Variants in UGT2A1 observed in about 807,000 individuals in gnomAD.
UGT2A1 encodes UDP-glucuronosyltransferase 2A1.
UGT2A1 carries 61 observed loss-of-function variants against 45.4 expected under a neutral mutation model. The ratio of observed to expected loss-of-function variants is 1.34; its 90% CI spans 1.09 to 1.66. UGT2A1 has a LOEUF of 1.66. Ranked by LOEUF, UGT2A1 falls within the 40% of genes most tolerant of loss-of-function variation. The pLI, the probability that UGT2A1 is intolerant of heterozygous loss-of-function variation, is 0.00. For synonymous variants in UGT2A1, 229 were observed against 196.2 expected (o/e 1.17, Z -1.40); for missense variants, 649 against 574.3 (o/e 1.13, Z -1.33).
At position 69,589,634 on chromosome 4, in the gene UGT2A1, A is replaced by G; in HGVS notation, c.1322T>C (p.Met441Thr). The G allele has an allele frequency of 6.2e-7, 1 of 1,612,146 alleles. No homozygotes were observed. The highest frequency in any genetic ancestry group is 1.1e-5 in the South Asian group (1 of 90,788). ...ATCATGGTGAATTCTTGATAACCTC[A>G]TAGCATTCTCTTTATAACTAGAAGA... ...INEPSYKENA[M>T]RLSRIHHDQP... The change falls in exon 7 of 7, where the codon ATG (methionine) becomes ACG (threonine). Residue 441 changes from methionine to threonine, a missense_variant. Transcript: ENST00000286604.
At chr4:69,600,303 C>A (rs111620988) in intron 3 of UGT2A1, among the ~76,000 whole-genome samples, 278 of 152,286 alleles carry the variant, frequency 1.8e-3, no homozygotes, top group African/African-American at 6.4e-3. Flanking sequence ...TGTGTGCACT[C>A]CCAGACTCCA....
Position 69,594,510 on chromosome 4 carries a change from A to G in UGT2A1, c.1271T>C (p.Leu424Pro). The G allele has an allele frequency of 1.2e-6, 2 of 1,614,186 alleles. No individual in the cohort carries two copies. The highest frequency in any genetic ancestry group is 2.2e-5 in the South Asian group (2 of 91,088). ...ATTAATGACTGTTCTCAAAGCGCTAAGCAAATCCACACTTGTCATTGTGTT... is the reference window on the plus strand; with the variant it reads ...ATTAATGACTGTTCTCAAAGCGCTAGGCAAATCCACACTTGTCATTGTGTT... ...NLNTMTSVDL[L>P]SALRTVINEP... The change falls in exon 6 of 7, where the codon CTT becomes CCT. Residue 424 changes from leucine (L) to proline (P), a missense_variant. Transcript: ENST00000286604.
chr4:69,625,306 G>T (rs537274012), intron 3 of UGT2A1, among the ~76,000 whole-genome samples: 93 of 150,532 alleles, frequency 6.2e-4, no homozygotes, highest in Non-Finnish European at 1.1e-3. Flanking sequence ...TGAACTTCTT[G>T]GATCTATTTG....
At chr4:69,640,353 G>T (rs1721984830) in intron 2 of UGT2A1, among the ~76,000 whole-genome samples, 1 of 151,938 alleles carries the variant, frequency 6.6e-6, no homozygotes, top group South Asian at 2.1e-4. Flanking sequence ...TATCTGTAAA[G>T]CTACTTTTCA....
chr4:69,615,366 T>C (rs1171689224), intron 3 of UGT2A1, among the ~76,000 whole-genome samples: 1 of 151,922 alleles, frequency 6.6e-6, no homozygotes, highest in Admixed American at 6.6e-5. Flanking sequence ...AATGGACAGA[T>C]GGGATCACAT....
intron 2 of UGT2A1, among the ~76,000 whole-genome samples, chr4:69,637,846 T>A (rs927197122): frequency 6.6e-6 from 1 of 151,486 alleles, no homozygotes; most frequent in Admixed American, 6.6e-5. Context: ...TACTTTTTTT[T>A]ACACAAAGTA....
chr4:69,616,901 T>A (rs1038826751), intron 3 of UGT2A1, among the ~76,000 whole-genome samples: 1 of 150,460 alleles, frequency 6.6e-6, no homozygotes, highest in Non-Finnish European at 1.5e-5. Context: ...CCTCTGTGTA[T>A]GTGGCATCTA....
intron 3 of UGT2A1, among the ~76,000 whole-genome samples, chr4:69,617,900 G>A (rs1411840297): frequency 2.6e-5 from 4 of 151,672 alleles, no homozygotes; most frequent in Non-Finnish European, 5.9e-5. Context: ...AAACAAAACC[G>A]ACACAGTAAC....
chr4:69,638,764 A>G lies in UGT2A1; in HGVS notation c.716-2942T>C, dbSNP rs1721865975. On this transcript the variant is annotated intron_variant, in intron 2 of 6. Transcript: ENST00000286604. ...TTTATTCAAAGAGAATAATCAGGGA[A>G]TTGTTTGTACAGAGATATAAGAAGT... 2.7e-6 allele frequency: 3 copies of G among 1,117,428 alleles called. No individual in the cohort carries two copies. The African/African-American group carries it at 4.7e-5, about 18-fold the overall frequency. The allele number at this position is 1,117,428 out of a possible 1,614,324, so 69.2% of individuals were successfully genotyped here. A position where few individuals can be genotyped will look rare whatever the true frequency, so the allele number is the denominator to read the frequency against.
chr4:69,613,066 G>A (rs33999522), intron 3 of UGT2A1, among the ~76,000 whole-genome samples: 35,008 of 151,494 alleles, frequency 0.23, 4,199 homozygotes, highest in Middle Eastern at 0.31. Context: ...AAAAAGACAG[G>A]CAAAAGACAT....
intron 3 of UGT2A1, among the ~76,000 whole-genome samples, chr4:69,622,013 G>T (rs968390896): frequency 6.6e-6 from 1 of 151,734 alleles, no homozygotes; most frequent in African/African-American, 2.4e-5. Flanking sequence ...CTTGAGGGTG[G>T]ATGGTGGAAG....
chr4:69,611,416 C>A (rs1720041472), intron 3 of UGT2A1, among the ~76,000 whole-genome samples: 1 of 151,300 alleles, frequency 6.6e-6, no homozygotes, highest in South Asian at 2.1e-4. Flanking sequence ...AATGGAAGTC[C>A]TTTTCTACAA....
intron 3 of UGT2A1, among the ~76,000 whole-genome samples, chr4:69,601,537 G>A (rs1255788686): frequency 2.0e-5 from 3 of 152,128 alleles, no homozygotes; most frequent in Non-Finnish European, 4.4e-5. Context: ...ACAACCCCAA[G>A]AAGGAAAACA....
chr4:69,608,085 A>T (rs1577962607), intron 3 of UGT2A1, among the ~76,000 whole-genome samples: 1 of 152,300 alleles, frequency 6.6e-6, no homozygotes, highest in South Asian at 2.1e-4. Flanking sequence ...TACCCAAAGG[A>T]TCATAAATCA....
intron 2 of UGT2A1, among the ~76,000 whole-genome samples, chr4:69,640,908 C>T (rs1271599069): frequency 6.6e-6 from 1 of 151,664 alleles, no homozygotes; most frequent in Non-Finnish European, 1.5e-5. Context: ...AAAATAAGCC[C>T]AGTAAAAGGG....
chr4:69,639,280 C>G (rs898656972), intron 2 of UGT2A1: 1 of 1,613,522 alleles, frequency 6.2e-7, no homozygotes, highest in Non-Finnish European at 8.5e-7. Context: ...AGAAGTTTTC[C>G]TAGTTCTTTG....
At chr4:69,638,455 G>T (rs906346715) in intron 2 of UGT2A1, among the ~76,000 whole-genome samples, 4 of 152,138 alleles carry the variant, frequency 2.6e-5, no homozygotes, top group African/African-American at 9.7e-5. Flanking sequence ...CCAGGGTAGA[G>T]TGTAAACTCC....
At chr4:69,606,828 T>A (rs1719655039) in intron 3 of UGT2A1, among the ~76,000 whole-genome samples, 1 of 135,932 alleles carries the variant, frequency 7.4e-6, no homozygotes, top group Non-Finnish European at 1.6e-5. Context: ...CACAATTGCT[T>A]CAAAGAGAAT....
chr4:69,602,926 G>A (rs1045075491), intron 3 of UGT2A1, among the ~76,000 whole-genome samples: 1 of 134,796 alleles, frequency 7.4e-6, no homozygotes, highest in Non-Finnish European at 1.6e-5. Context: ...AAATTAGCCG[G>A]GCGTGGTGGC....
Sources: allele counts gnomAD v4.1 joint callset (sites outside exome capture counted in the v4.1 genomes callset), GRCh38; gene constraint gnomAD v4.1.1; transcripts MANE v1.5; gene names NCBI Gene and HGNC (gene_info 2026-07-23, HGNC 2026-07-21).